MGST1: variants seen among roughly 807,000 people sequenced by gnomAD.
The protein encoded by MGST1 is microsomal glutathione S-transferase 1, also known as glutathione S-transferase 12.
In MGST1, 5 loss-of-function variants were observed where a neutral mutation model predicts 8.9. The ratio of observed to expected loss-of-function variants is 0.56; its 90% CI spans 0.29 to 1.19. The LOEUF is 1.19. Among genes scored for constraint, MGST1 ranks in the 50% most tolerant of loss-of-function variants. The probability of loss-of-function intolerance (pLI) is 0.08; values close to 1 mark genes in which losing one functional copy is unlikely to be tolerated. For synonymous variants in MGST1, 54 were observed against 67.8 expected (o/e 0.80, Z 1.00); for missense variants, 182 against 187.4 (o/e 0.97, Z 0.17).
chr12:16,549,713 G>A (rs1237002346), intron 4 of MGST1: 1 of 152,092 alleles, frequency 6.6e-6, no homozygotes, highest in Non-Finnish European at 1.5e-5. Context: ...TGCAAAATTA[G>A]ATTTGTTGAA....
intron 4 of MGST1, among the ~76,000 whole-genome samples, chr12:16,554,823 A>AT (rs926913489): frequency 4.6e-5 from 7 of 151,920 alleles, no homozygotes; most frequent in Admixed American, 2.0e-4. Flanking sequence ...CGACCGGCTC[A>AT]TTTTTTTGTA....
intron 4 of MGST1, among the ~76,000 whole-genome samples, chr12:16,447,442 G>T (rs763006118): frequency 1.3e-5 from 2 of 151,932 alleles, no homozygotes; most frequent in Non-Finnish European, 2.9e-5. Context: ...CCTTGTGGGA[G>T]AGAGGACTCT....
intron 4 of MGST1, among the ~76,000 whole-genome samples, chr12:16,506,582 G>C (rs1267148990): frequency 6.6e-6 from 1 of 152,152 alleles, no homozygotes; most frequent in Non-Finnish European, 1.5e-5. Context: ...GTATAGAGCT[G>C]AGGTCATCAT....
intron 1 of MGST1, among the ~76,000 whole-genome samples, chr12:16,348,651 C>T (rs1939307682): frequency 6.6e-6 from 1 of 152,080 alleles, no homozygotes; most frequent in Non-Finnish European, 1.5e-5. Flanking sequence ...TCCTTAAAGC[C>T]CAGTTTTCCT....
At chr12:16,427,409 G>T (rs1484162783) in intron 1 of MGST1, among the ~76,000 whole-genome samples, 3 of 152,192 alleles carry the variant, frequency 2.0e-5, no homozygotes, top group African/African-American at 7.2e-5. Context: ...CTGAGACAGA[G>T]TCTGGCTTTG....
chr12:16,512,086 TC>T (rs1447466367), intron 4 of MGST1, among the ~76,000 whole-genome samples: 1 of 152,182 alleles, frequency 6.6e-6, no homozygotes, highest in Non-Finnish European at 1.5e-5. Context: ...AAGAGAATAA[TC>T]TACAACTTTG....
In MGST1 at chr12:16,458,822, C is replaced by G. The variant is rs17605176; in HGVS notation, n.482+75218C>G. On this transcript the variant is annotated intron_variant and non_coding_transcript_variant, in intron 4 of 4. Coordinates refer to the MGST1 transcript ENST00000538857. The surrounding 1 kb of genome is among the most constrained non-coding windows in gnomAD (Gnocchi z 4.0). ...TCTTTATTAGATACAAGGTTTCCCT[C>G]CATCAAGGTTAAGTACATCTTGAAG... 0.017 allele frequency among the ~76,000 whole-genome samples: 2,652 copies of G among 152,058 alleles called. 39 individuals carry two copies. The highest frequency in any genetic ancestry group is 0.028 in the Non-Finnish European group (1,911 of 67,946).
chr12:16,378,044 T>C (rs372056414), downstream of MGST1, among the ~76,000 whole-genome samples: 3 of 152,018 alleles, frequency 2.0e-5, no homozygotes, highest in Non-Finnish European at 2.9e-5. Context: ...TTCTGGATAT[T>C]AGCCCTTTGT....
At chr12:16,509,355 C>G (rs139802512) in intron 4 of MGST1, among the ~76,000 whole-genome samples, 44 of 152,208 alleles carry the variant, frequency 2.9e-4, no homozygotes, top group African/African-American at 9.6e-4. Context: ...TTGCACATCT[C>G]TTCTACTATT....
chr12:16,567,871 T>G (rs1447051139), intron 4 of MGST1, among the ~76,000 whole-genome samples: 1 of 152,144 alleles, frequency 6.6e-6, no homozygotes, highest in African/African-American at 2.4e-5. Context: ...TCAAGCCCAC[T>G]CAGAGGGCTC....
At chr12:16,365,183 C>G (rs1225470683), downstream of MGST1, among the ~76,000 whole-genome samples, 1 of 152,010 alleles carries the variant, frequency 6.6e-6, no homozygotes, top group East Asian at 1.9e-4. Flanking sequence ...TCCTGTCTCC[C>G]CACAAACTTT....
intron 4 of MGST1, among the ~76,000 whole-genome samples, chr12:16,481,581 A>T (rs956012418): frequency 6.6e-6 from 1 of 152,228 alleles, no homozygotes; most frequent in African/African-American, 2.4e-5. Context: ...AATTTATAAT[A>T]ATTAACACTA....
intron 4 of MGST1, among the ~76,000 whole-genome samples, chr12:16,470,910 G>A (rs1458230220): frequency 2.0e-5 from 3 of 152,118 alleles, no homozygotes; most frequent in Non-Finnish European, 2.9e-5. Flanking sequence ...CCCTTTATTT[G>A]AGGGTATTTT....
chr12:16,466,531 T>A (rs1046053226), intron 4 of MGST1, among the ~76,000 whole-genome samples: 2 of 152,168 alleles, frequency 1.3e-5, no homozygotes, highest in Non-Finnish European at 2.9e-5. Flanking sequence ...AATGAAAGTG[T>A]TGATACCACA....
chr12:16,561,855 G>A (rs1464636754), intron 4 of MGST1, among the ~76,000 whole-genome samples: 2 of 152,152 alleles, frequency 1.3e-5, no homozygotes, highest in Non-Finnish European at 2.9e-5. Flanking sequence ...CGCCTTGAAG[G>A]TAGAAACAAT....
rs1941592281 is a variant in MGST1 at position 16,513,726 on chromosome 12, C to T, written n.483-75802C>T. The T allele has an allele frequency of 5.3e-6, 3 of 563,662 alleles. No homozygotes were observed. The highest frequency in any genetic ancestry group is 4.2e-5 in the South Asian group (3 of 70,632). The allele number at this position is 563,662 out of a possible 1,614,324, so 34.9% of individuals were successfully genotyped here. The stretch of plus-strand genomic sequence containing the variant: ...AGGCATCTGCAGAAGTAGCCTTGGG[C>T]GAGAATAGCGAAGTCTCGAAAAGTG... On this transcript the variant is annotated intron_variant and non_coding_transcript_variant, in intron 4 of 4. Coordinates refer to the MGST1 transcript ENST00000538857. This position sits in a 1 kb window ranked among gnomAD's most constrained non-coding sequence, Gnocchi z 4.2.
intron 4 of MGST1, among the ~76,000 whole-genome samples, chr12:16,518,853 G>T (rs1479277155): frequency 6.6e-6 from 1 of 152,136 alleles, no homozygotes; most frequent in East Asian, 1.9e-4. Flanking sequence ...CATTAAAGAA[G>T]ATGTATTTCC....
chr12:16,505,156 C>T (rs1469118910), intron 4 of MGST1, among the ~76,000 whole-genome samples: 5 of 152,152 alleles, frequency 3.3e-5, no homozygotes, highest in Non-Finnish European at 7.3e-5. Flanking sequence ...TTGTGGATAA[C>T]TCTCACATCT....
Position 16,401,322 on chromosome 12 carries a change from AT to A in MGST1, n.778+17723del. On this transcript the variant is annotated intron_variant and non_coding_transcript_variant, in intron 1 of 1. Coordinates refer to the MGST1 transcript ENST00000359720. The surrounding 1 kb of genome is among the most constrained non-coding windows in gnomAD (Gnocchi z 4.3). ...CCATTCCTGTCTTCAGTTTGTATTG[AT>A]TTTTACTATTGATTACTAGGAAGCT... 1 of 1,396,160 alleles carries A rather than the reference AT, an allele frequency of 7.2e-7. No homozygotes were observed. The highest frequency in any genetic ancestry group is 1.0e-6 in the Non-Finnish European group (1 of 985,450). The allele number at this position is 1,396,160 out of a possible 1,614,324, so 86.5% of individuals were successfully genotyped here.
Sources: gnomAD v4.1 joint callset for allele counts (sites outside exome capture counted in the v4.1 genomes callset) on GRCh38, gnomAD v4.1.1 for gene constraint, Gnocchi (gnomAD v3.1) non-coding constraint, MANE v1.5 for transcripts, NCBI Gene and HGNC (gene_info 2026-07-23, HGNC 2026-07-21) for gene names.